The following PLXDC2 variants were observed in gnomAD, a reference collection of about 807,000 sequenced individuals.
The protein encoded by PLXDC2 is plexin domain containing 2, also known as plexin domain-containing protein 2.
PLXDC2 carries 40 observed loss-of-function variants against 68.9 expected under a neutral mutation model. That is an observed-to-expected ratio of 0.58 (90% confidence interval 0.45 to 0.76). PLXDC2 has a LOEUF of 0.76. Ranked by LOEUF, PLXDC2 falls within the 30% of genes least tolerant of loss-of-function variation. The probability of loss-of-function intolerance (pLI) is 0.00; values close to 1 mark genes in which losing one functional copy is unlikely to be tolerated. For missense variants in PLXDC2, 644 were observed against 661.9 expected, an observed-to-expected ratio of 0.97 and a Z score of 0.30; for synonymous variants, 243 against 234.2, an observed-to-expected ratio of 1.04 and a Z score of -0.34.
At chr10:20,042,444 C>T (rs115914173) in intron 2 of PLXDC2, among the ~76,000 whole-genome samples, 2,695 of 152,132 alleles carry the variant, frequency 0.018, 77 homozygotes, top group African/African-American at 0.061. Context: ...TATAATCTTC[C>T]TTTATTAATT....
chr10:20,022,869 G>A (rs1835335924), intron 2 of PLXDC2, among the ~76,000 whole-genome samples: 1 of 151,902 alleles, frequency 6.6e-6, no homozygotes, highest in Non-Finnish European at 1.5e-5. Flanking sequence ...AATAAAATAT[G>A]TTAATACTTG....
chr10:20,273,188 G>T (rs1216945814), intron 13 of PLXDC2, among the ~76,000 whole-genome samples: 1 of 152,092 alleles, frequency 6.6e-6, no homozygotes, highest in East Asian at 1.9e-4. Flanking sequence ...TTGGCAATAT[G>T]CCCCTTTTCT....
chr10:20,090,236 ATACCAGGTTATT>A (rs1322046815), intron 4 of PLXDC2, among the ~76,000 whole-genome samples: 1 of 152,228 alleles, frequency 6.6e-6, no homozygotes, highest in East Asian at 1.9e-4. Context: ...GTATTTTCAG[ATACCAGGTTATT>A]TTTTCAAGTT....
At chr10:19,833,798 G>A (rs933180944) in intron 1 of PLXDC2, among the ~76,000 whole-genome samples, 9 of 152,098 alleles carry the variant, frequency 5.9e-5, no homozygotes, top group African/African-American at 1.7e-4. Context: ...TGAATTAATC[G>A]AAAAGGTAAG....
chr10:20,024,311 T>C, intron 2 of PLXDC2, among the ~76,000 whole-genome samples: 1 of 152,174 alleles, frequency 6.6e-6, no homozygotes, highest in East Asian at 1.9e-4. Context: ...TGGTAAGAGA[T>C]CATTAAGTCA....
intron 2 of PLXDC2, among the ~76,000 whole-genome samples, chr10:20,022,348 C>T (rs1281640132): frequency 2.0e-5 from 3 of 152,040 alleles, no homozygotes; most frequent in African/African-American, 7.2e-5. Context: ...CAAATAAATC[C>T]ATGATTTTAA....
intron 4 of PLXDC2, among the ~76,000 whole-genome samples, chr10:20,074,546 T>C (rs1431963180): frequency 1.3e-5 from 2 of 152,156 alleles, no homozygotes; most frequent in African/African-American, 4.8e-5. Context: ...TAAGAGAGAT[T>C]TTTTAAAAAT....
In PLXDC2 at chr10:19,935,778, T is replaced by C. The variant is rs140256344; in HGVS notation, c.113-65997T>C. Reference sequence around the variant, plus strand: ...CATAAATGCCACTGAAAGGAATTAGTATTCAAAAGCACATTTTAGGACAGT... The same window carrying C: ...CATAAATGCCACTGAAAGGAATTAGCATTCAAAAGCACATTTTAGGACAGT... On this transcript the variant is annotated intron_variant, in intron 1 of 13. Transcript: ENST00000377252. Among the ~76,000 whole-genome samples, 680 of 152,342 alleles carry C rather than the reference T, an allele frequency of 4.5e-3. 4 individuals carry two copies. The highest frequency in any genetic ancestry group is 0.016 in the African/African-American group (654 of 41,580).
intron 9 of PLXDC2, among the ~76,000 whole-genome samples, chr10:20,193,542 T>C (rs958318686): frequency 6.6e-6 from 1 of 152,038 alleles, no homozygotes; most frequent in Non-Finnish European, 1.5e-5. Flanking sequence ...ATGGGTGTTA[T>C]AAATGGAAGG....
chr10:20,058,538 C>T (rs565273153), intron 3 of PLXDC2, among the ~76,000 whole-genome samples: 273 of 152,132 alleles, frequency 1.8e-3, no homozygotes, highest in Middle Eastern at 3.4e-3. Flanking sequence ...GCATAGTGTC[C>T]AAGATATCTG....
intron 9 of PLXDC2, among the ~76,000 whole-genome samples, chr10:20,184,008 A>T (rs527850984): frequency 2.0e-5 from 3 of 151,330 alleles, no homozygotes; most frequent in African/African-American, 7.2e-5. Flanking sequence ...AAAGTATTCC[A>T]TGATTCCATC....
At chr10:20,067,667 A>G (rs932222870) in intron 3 of PLXDC2, among the ~76,000 whole-genome samples, 1 of 151,712 alleles carries the variant, frequency 6.6e-6, no homozygotes, top group Non-Finnish European at 1.5e-5. Context: ...CAGCCTGGGC[A>G]AAACAGAGAA....
chr10:19,947,653 G>A (rs1833924519), intron 1 of PLXDC2, among the ~76,000 whole-genome samples: 2 of 150,300 alleles, frequency 1.3e-5, no homozygotes, highest in Admixed American at 6.6e-5. Flanking sequence ...ACACCTCAGG[G>A]TGATTTATGT....
intron 1 of PLXDC2, among the ~76,000 whole-genome samples, chr10:19,989,842 T>C (rs747690928): frequency 3.1e-4 from 47 of 151,172 alleles, no homozygotes; most frequent in Non-Finnish European, 4.9e-4. Flanking sequence ...CTCCATCCCC[T>C]GGGTTTAAGC....
chr10:20,170,133 C>A (rs964953298), intron 7 of PLXDC2, among the ~76,000 whole-genome samples: 1 of 152,128 alleles, frequency 6.6e-6, no homozygotes, highest in Non-Finnish European at 1.5e-5. Flanking sequence ...CTTTGAGGAA[C>A]AATTATAGGT....
intron 2 of PLXDC2, among the ~76,000 whole-genome samples, chr10:20,032,003 T>G (rs543145844): frequency 1.3e-3 from 196 of 152,142 alleles, no homozygotes; most frequent in Admixed American, 2.7e-3. Flanking sequence ...GTATTTTTTG[T>G]AGAGACAAGG....
chr10:20,144,247 A>G (rs1400029231), intron 5 of PLXDC2, among the ~76,000 whole-genome samples: 1 of 152,170 alleles, frequency 6.6e-6, no homozygotes, highest in Admixed American at 6.5e-5. Flanking sequence ...AAATAATACA[A>G]GCATTTGGGG....
intron 12 of PLXDC2, among the ~76,000 whole-genome samples, chr10:20,226,871 C>T (rs1333736662): frequency 6.6e-6 from 1 of 152,016 alleles, no homozygotes; most frequent in Admixed American, 6.6e-5. Flanking sequence ...ATCAGAAACC[C>T]GGACCAGGGA....
intron 1 of PLXDC2, among the ~76,000 whole-genome samples, chr10:19,844,436 G>A (rs1373654159): frequency 6.6e-6 from 1 of 152,096 alleles, no homozygotes; most frequent in Non-Finnish European, 1.5e-5. Flanking sequence ...TTAGTCAAAA[G>A]TGATGTATTA....
Sources: gnomAD v4.1 joint callset for allele counts (sites outside exome capture counted in the v4.1 genomes callset) on GRCh38, gnomAD v4.1.1 for gene constraint, MANE v1.5 for transcripts, NCBI Gene and HGNC (gene_info 2026-07-23, HGNC 2026-07-21) for gene names.